MDGA2: variants seen among roughly 807,000 people sequenced by gnomAD.
MDGA2 encodes MAM domain containing glycosylphosphatidylinositol anchor 2, also known as MAM domain-containing glycosylphosphatidylinositol anchor protein 2.
A neutral mutation model predicts 117.8 loss-of-function variants in MDGA2; 40 were observed. The observed-to-expected ratio is 0.34, with a 90% CI of 0.26 to 0.44. MDGA2 has a LOEUF of 0.44. Among genes scored for constraint, MDGA2 ranks in the 20% least tolerant of loss-of-function variants. The pLI, the probability that MDGA2 is intolerant of heterozygous loss-of-function variation, is 1.00. For synonymous variants in MDGA2, 452 were observed against 439.0 expected (o/e 1.03, Z -0.37); for missense variants, 1,123 against 1,250.6 (o/e 0.90, Z 1.54).
chr14:46,957,189 G>C (rs1539220), intron 9 of MDGA2, among the ~76,000 whole-genome samples, 185 bp downstream of exon 9: 42,710 of 152,028 alleles, frequency 0.28, 7,207 homozygotes, highest in African/African-American at 0.47. Context: ...GTAGGCCTGT[G>C]CATTCTTTTA....
At chr14:47,244,937 A>C (rs1443256595) in intron 2 of MDGA2, among the ~76,000 whole-genome samples, 1 of 151,846 alleles carries the variant, frequency 6.6e-6, no homozygotes, top group Non-Finnish European at 1.5e-5. Context: ...TGAGAAAACA[A>C]AGATAAAGAC....
intron 1 of MDGA2, among the ~76,000 whole-genome samples, chr14:47,584,950 C>G (rs1473961375): frequency 6.6e-6 from 1 of 151,752 alleles, no homozygotes; most frequent in Non-Finnish European, 1.5e-5. Context: ...CAGGATGACA[C>G]TCAATAAAGC....
At chr14:47,612,744 G>C (rs1466092331) in intron 1 of MDGA2, among the ~76,000 whole-genome samples, 1 of 151,934 alleles carries the variant, frequency 6.6e-6, no homozygotes, top group African/African-American at 2.4e-5. Context: ...ATTTCTATAG[G>C]AAATGTGTTA....
At chr14:47,339,102 A>G (rs1316089574) in intron 1 of MDGA2, among the ~76,000 whole-genome samples, 1 of 152,104 alleles carries the variant, frequency 6.6e-6, no homozygotes, top group Non-Finnish European at 1.5e-5. Context: ...CAGGGAGTCT[A>G]TTTAAAATGG....
intron 1 of MDGA2, among the ~76,000 whole-genome samples, chr14:47,549,414 G>C (rs1464052321): frequency 6.8e-6 from 1 of 147,400 alleles, no homozygotes; most frequent in Admixed American, 6.9e-5. Flanking sequence ...CACCATTCCA[G>C]TGTGGTTCTC....
intron 10 of MDGA2, among the ~76,000 whole-genome samples, chr14:46,887,290 A>G (rs1163066756): frequency 2.0e-5 from 3 of 151,978 alleles, no homozygotes; most frequent in African/African-American, 7.2e-5. Context: ...GCCCTATTTC[A>G]TGAATGAAAA....
chr14:47,486,372 T>C (rs1894061404), intron 1 of MDGA2, among the ~76,000 whole-genome samples: 1 of 152,230 alleles, frequency 6.6e-6, no homozygotes. Flanking sequence ...ACCTCCATCG[T>C]ATCTAGGAAG....
chr14:46,953,201 T>C (rs925364603), intron 9 of MDGA2, among the ~76,000 whole-genome samples: 2 of 149,642 alleles, frequency 1.3e-5, no homozygotes, highest in Non-Finnish European at 2.9e-5. Flanking sequence ...ACTTGTTAAA[T>C]ACATTCCTGA....
rs912260743 is a variant in MDGA2 at position 47,102,413 on chromosome 14, A to T, written c.926-5290T>A. ...CACACAAACACACACACACACACAC[A>T]AACTAACTAAATAAATAATAAAACA... On this transcript the variant is annotated intron_variant, in intron 5 of 16. Coordinates refer to ENST00000399232, the MANE Select transcript of MDGA2 (RefSeq NM_001113498.3). 7.1e-4 allele frequency among the ~76,000 whole-genome samples: 108 copies of T among 151,712 alleles called. 2 individuals carry two copies. Among genetic ancestry groups the T allele is most frequent in the African/African-American group, 2.5e-3 (105 of 41,350 alleles).
chr14:47,523,889 C>T (rs1196628561), intron 1 of MDGA2, among the ~76,000 whole-genome samples: 1 of 152,162 alleles, frequency 6.6e-6, no homozygotes, highest in Non-Finnish European at 1.5e-5. Flanking sequence ...AAAGGTGTAT[C>T]AAATGGGAAC....
intron 1 of MDGA2, among the ~76,000 whole-genome samples, chr14:47,534,220 T>G (rs1280451584): frequency 1.3e-5 from 2 of 152,182 alleles, no homozygotes; most frequent in Non-Finnish European, 2.9e-5. Context: ...CCAGTCTTCA[T>G]GAACTCATAA....
chr14:47,524,277 A>G (rs1894927523), intron 1 of MDGA2, among the ~76,000 whole-genome samples: 2 of 152,208 alleles, frequency 1.3e-5, no homozygotes, highest in Non-Finnish European at 2.9e-5. Flanking sequence ...AGAGGATTTT[A>G]CTTTAATGGC....
At chr14:46,848,793 C>G (rs1880944528) in intron 15 of MDGA2, among the ~76,000 whole-genome samples, 1 of 152,070 alleles carries the variant, frequency 6.6e-6, no homozygotes, top group Admixed American at 6.6e-5. Context: ...GTGCTACCTA[C>G]CTACTGGCAA....
chr14:46,926,118 G>A (rs1016053171), intron 9 of MDGA2, among the ~76,000 whole-genome samples: 1 of 152,112 alleles, frequency 6.6e-6, no homozygotes, highest in Non-Finnish European at 1.5e-5. Flanking sequence ...GATATAAGAT[G>A]TTGAATATTT....
intron 8 of MDGA2, among the ~76,000 whole-genome samples, chr14:46,963,244 C>T (rs1885880859): frequency 6.6e-6 from 1 of 152,162 alleles, no homozygotes; most frequent in Non-Finnish European, 1.5e-5. Context: ...ACATTTGTCA[C>T]TATATCCACT....
intron 7 of MDGA2, among the ~76,000 whole-genome samples, chr14:47,042,321 T>TGTG (rs1555346005): frequency 5.4e-5 from 7 of 130,796 alleles, no homozygotes; most frequent in Middle Eastern, 3.9e-3. Context: ...TGTTTTTTTT[T>TGTG]TTTTTTTGTG....
intron 15 of MDGA2, among the ~76,000 whole-genome samples, chr14:46,853,527 A>G (rs1881144691): frequency 6.6e-6 from 1 of 151,884 alleles, no homozygotes. Context: ...AAAAAGTCAC[A>G]TTACATACAG....
chr14:47,476,222 C>T (rs1413088936), intron 1 of MDGA2, among the ~76,000 whole-genome samples: 1 of 152,060 alleles, frequency 6.6e-6, no homozygotes, highest in African/African-American at 2.4e-5. Context: ...AAGAAAAGGG[C>T]AGTCACACTT....
At chr14:47,643,330 G>A (rs891451873) in intron 1 of MDGA2, among the ~76,000 whole-genome samples, 1 of 151,952 alleles carries the variant, frequency 6.6e-6, no homozygotes, top group African/African-American at 2.4e-5. Flanking sequence ...AGCATCTATG[G>A]TGCTTCTTGT....
Sources: allele counts gnomAD v4.1 joint callset (sites outside exome capture counted in the v4.1 genomes callset), GRCh38; gene constraint gnomAD v4.1.1; transcripts MANE v1.5; gene names NCBI Gene and HGNC (gene_info 2026-07-23, HGNC 2026-07-21).